MKNK2: variants seen among roughly 807,000 people sequenced by gnomAD.
The protein encoded by MKNK2 is MAPK interacting serine/threonine kinase 2.
Under a neutral mutation model 55.0 loss-of-function variants are expected in MKNK2, and 54 were observed. The ratio of observed to expected loss-of-function variants is 0.98; its 90% CI spans 0.79 to 1.23. The LOEUF (loss-of-function observed/expected upper bound fraction) is 1.23. Among genes scored for constraint, MKNK2 ranks in the 50% most tolerant of loss-of-function variants. The pLI is 0.00. For missense variants in MKNK2, 685 were observed against 632.1 expected (o/e 1.08, Z -0.90); for synonymous variants, 323 against 256.0 (o/e 1.26, Z -2.50).
chr19:2,046,521 C>A, intron 3 of MKNK2, 53 bp from the exon 4 acceptor site: 1 of 1,564,350 alleles, frequency 6.4e-7, no homozygotes, highest in Non-Finnish European at 8.7e-7. Context: ...GGCCGGCCGG[C>A]CCCCACCCCC....
chr19:2,046,514 C>G, intron 3 of MKNK2, 46 bp from the exon 4 acceptor site: 1 of 1,570,510 alleles, frequency 6.4e-7, no homozygotes, highest in Non-Finnish European at 8.6e-7. Context: ...TGGCCCTGGC[C>G]GGCCGGCCCC....
rs1329190894 is a variant in MKNK2 at position 2,038,991 on chromosome 19, C to T, written c.*622G>A. 1.0e-6 allele frequency: 1 copy of T among 986,042 alleles called. No individual in the cohort carries two copies. The highest frequency in any genetic ancestry group is 1.2e-6 in the Non-Finnish European group (1 of 830,174). The allele number at this position is 986,042 out of a possible 1,614,324, so 61.1% of individuals were successfully genotyped here. The stretch of plus-strand genomic sequence containing the variant: ...ATTGTCAACTATCATGGGGACAAGG[C>T]AGGCGCGGGTGAAGGGCTGGGGGAT... On this transcript the variant is annotated 3_prime_UTR_variant, in exon 14 of 14. Coordinates refer to ENST00000250896, the MANE Select transcript of MKNK2 (RefSeq NM_199054.3).
chr19:2,047,272 TGGGGC>T (rs1279391285), intron 2 of MKNK2, among the ~76,000 whole-genome samples: 2 of 151,682 alleles, frequency 1.3e-5, no homozygotes, highest in African/African-American at 4.9e-5. Context: ...CGGAGTGGGG[TGGGGC>T]AGGGGTGCTG....
intron 10 of MKNK2, 149 bp downstream of exon 10, chr19:2,042,278 C>A: frequency 2.5e-6 from 2 of 809,764 alleles, no homozygotes; most frequent in South Asian, 1.8e-5. Context: ...CGAGGCCCCG[C>A]CGCGACACCC....
intron 7 of MKNK2, 107 bp downstream of exon 7, chr19:2,043,017 G>A: frequency 7.8e-7 from 1 of 1,288,164 alleles, no homozygotes; most frequent in Non-Finnish European, 1.1e-6. Flanking sequence ...GCCACCATTT[G>A]GGCAGGACAC....
Position 2,041,906 on chromosome 19 carries a change from C to T in MKNK2, c.879G>A (p.Pro293=). 1.3e-6 allele frequency: 2 copies of T among 1,546,088 alleles called. No homozygotes were observed. The highest frequency in any genetic ancestry group is 1.7e-6 in the Non-Finnish European group (2 of 1,144,834). ...VILYILLSGY[P]PFVGRCGSDC... is the part of the protein sequence containing the mutation. ...CGCTGCCACAGCGGCCCACGAAGGG[C>T]GGGTAGCCGCTGAGTAGGATATACA... The change falls in exon 11 of 14, where the codon CCG becomes CCA. Residue 293 remains proline (P), a synonymous_variant. Coordinates refer to ENST00000250896, the MANE Select transcript of MKNK2 (RefSeq NM_199054.3).
At chr19:2,049,472 T>C (rs1359067687) in intron 2 of MKNK2, among the ~76,000 whole-genome samples, 1 of 152,164 alleles carries the variant, frequency 6.6e-6, no homozygotes, top group East Asian at 1.9e-4. Flanking sequence ...GACGCCCACC[T>C]TCCCAGCTCC....
chr19:2,048,271 G>A (rs113831829), intron 2 of MKNK2, among the ~76,000 whole-genome samples: 90 of 152,294 alleles, frequency 5.9e-4, no homozygotes, highest in African/African-American at 2.0e-3. Flanking sequence ...ATGGGAGCAA[G>A]ACCCTGACCA....
At chr19:2,044,864 G>A (rs2016964318) in intron 5 of MKNK2, among the ~76,000 whole-genome samples, 1 of 152,182 alleles carries the variant, frequency 6.6e-6, no homozygotes, top group South Asian at 2.1e-4. Context: ...AGCCCCTCCT[G>A]GCATGGAAGG....
chr19:2,042,266 C>T (rs2016904935), intron 10 of MKNK2, 161 bp downstream of exon 10: 2 of 773,100 alleles, frequency 2.6e-6, no homozygotes, highest in South Asian at 3.7e-5. Flanking sequence ...GGGGCGCCTG[C>T]TCGAGGCCCC....
intron 12 of MKNK2, 106 bp from the exon 13 acceptor site, chr19:2,040,283 A>C: frequency 9.8e-7 from 1 of 1,023,280 alleles, no homozygotes; most frequent in Non-Finnish European, 1.4e-6. Flanking sequence ...CATCACCAGG[A>C]CCCCACCGGA....
chr19:2,045,909 T>C (rs887561761), intron 5 of MKNK2, among the ~76,000 whole-genome samples: 1 of 152,310 alleles, frequency 6.6e-6, no homozygotes, highest in African/African-American at 2.4e-5. Flanking sequence ...ATTTTGATCC[T>C]TGAAACCAAA....
rs2016880640 is a variant in MKNK2 at position 2,041,471 on chromosome 19, G to GC, written c.946-268dup. Among the ~76,000 whole-genome samples, 30 of 152,290 alleles carry GC rather than the reference G, an allele frequency of 2.0e-4. 2 individuals carry two copies. The South Asian group carries it at 6.2e-3, about 32-fold the overall frequency. On this transcript the variant is annotated intron_variant, in intron 11 of 13. Coordinates refer to ENST00000250896, the MANE Select transcript of MKNK2 (RefSeq NM_199054.3). ...CTTAAGCCGCGGGCAGGGAGCCTGA[G>GC]CCTGATCCCCCCAAACCAGGGGCCT...
chr19:2,039,548 G>A lies in MKNK2; in HGVS notation c.*65C>T, dbSNP rs1432031375. 7.8e-6 allele frequency: 12 copies of A among 1,535,364 alleles called. No homozygotes were observed. Among genetic ancestry groups the A allele is most frequent in the Non-Finnish European group, 9.7e-6 (11 of 1,138,540 alleles). On this transcript the variant is annotated 3_prime_UTR_variant, in exon 14 of 14. Transcript: ENST00000250896. ...GCCCGCTGGACACCGGCTGGCGATA[G>A]CTTAAAAAACCTTTAGATTTGATTG... is the stretch of plus-strand genomic sequence containing the variant.
At position 2,039,612 on chromosome 19, in the gene MKNK2, G is replaced by A. The variant is rs2016829608; in HGVS notation, c.*1C>T. On this transcript the variant is annotated 3_prime_UTR_variant, in exon 14 of 14. Transcript: ENST00000250896. ...CTATGTACAGAGGGGAGATGGGAGGGTCAGGCGTGGTCTCCCACCAGGACC... is the reference window on the plus strand; with the variant it reads ...CTATGTACAGAGGGGAGATGGGAGGATCAGGCGTGGTCTCCCACCAGGACC... 1.9e-6 allele frequency: 3 copies of A among 1,609,928 alleles called. No homozygotes were observed. The highest frequency in any genetic ancestry group is 2.5e-6 in the Non-Finnish European group (3 of 1,178,422).
intron 8 of MKNK2, 34 bp from the exon 9 acceptor site, chr19:2,042,696 A>G: frequency 1.3e-6 from 2 of 1,551,162 alleles, no homozygotes; most frequent in Non-Finnish European, 1.7e-6. Context: ...CGACGGGGTG[A>G]GGGTCTGGAG....
intron 11 of MKNK2, 52 bp from the exon 12 acceptor site, chr19:2,041,256 T>C (rs757384690): frequency 4.9e-5 from 76 of 1,564,446 alleles, no homozygotes; most frequent in Non-Finnish European, 6.4e-5. Context: ...GCCTGGATAC[T>C]GTGCACTGAC....
chr19:2,050,770 G>A (rs1399258880), intron 2 of MKNK2, 31 bp downstream of exon 2: 9 of 1,530,918 alleles, frequency 5.9e-6, no homozygotes, highest in East Asian at 2.6e-5. Context: ...GGTCCAGCCC[G>A]GAGCGCCCCC....
At chr19:2,049,374 G>T (rs1027471146) in intron 2 of MKNK2, among the ~76,000 whole-genome samples, 2 of 152,222 alleles carry the variant, frequency 1.3e-5, no homozygotes, top group Non-Finnish European at 2.9e-5. Context: ...GGTGGGGGCT[G>T]TGGGGGGAGA....
Sources: gnomAD v4.1 joint callset for allele counts (sites outside exome capture counted in the v4.1 genomes callset) on GRCh38, gnomAD v4.1.1 for gene constraint, MANE v1.5 for transcripts, NCBI Gene and HGNC (gene_info 2026-07-23, HGNC 2026-07-21) for gene names.